Variants in EXT2 observed in about 807,000 individuals in gnomAD.
The protein encoded by EXT2 is exostosin glycosyltransferase 2, also known as exostosin-2.
In EXT2, 53 loss-of-function variants were observed where a neutral mutation model predicts 81.6. That is an observed-to-expected ratio of 0.65 (90% CI 0.52 to 0.82). EXT2 has a LOEUF of 0.82. Among genes scored for constraint, EXT2 ranks in the 40% least tolerant of loss-of-function variants. The pLI is 0.00. For missense variants in EXT2, 774 were observed against 910.2 expected, an observed-to-expected ratio of 0.85 and a Z score of 1.93; for synonymous variants, 320 against 340.0, an observed-to-expected ratio of 0.94 and a Z score of 0.65.
In EXT2 at chr11:44,239,689, CTT is replaced by C. The variant is rs397849292; in HGVS notation, c.2018+3339_2018+3340del. On this transcript the variant is annotated intron_variant, in intron 13 of 13. Coordinates refer to ENST00000533608, the MANE Select transcript of EXT2 (RefSeq NM_207122.2). ...TACAGGCATGAACCACCCTGCCTGGCTTTTTTTTTTTTTTTTTTTTTTTTTTG... is the reference window on the plus strand; with the variant it reads ...TACAGGCATGAACCACCCTGCCTGGCTTTTTTTTTTTTTTTTTTTTTTTTG... 8.8e-3 allele frequency among the ~76,000 whole-genome samples: 751 copies of C among 85,126 alleles called. 4 individuals are homozygous for C. Among genetic ancestry groups the C allele is most frequent in the East Asian group, 0.017 (34 of 1,956 alleles). 55.8% of individuals were successfully genotyped at this position (85,126 alleles called of 152,430 possible).
rs142683612 is a variant in EXT2 at position 44,114,450 on chromosome 11, T to C, written c.743+149T>C. Reference sequence around the variant, plus strand: ...GAGGCACCCATCTTTCCCACCTCCATGCAGTCTCATTCATCTTGCAGTTTT... The same window carrying C: ...GAGGCACCCATCTTTCCCACCTCCACGCAGTCTCATTCATCTTGCAGTTTT... On this transcript the variant is annotated intron_variant, in intron 4 of 13. Coordinates refer to ENST00000533608, the MANE Select transcript of EXT2 (RefSeq NM_207122.2). 5.2e-4 allele frequency: 402 copies of C among 769,838 alleles called. 1 individual carries two copies. In the African/African-American group the frequency reaches 6.3e-3, roughly 12 times the overall value. The allele number at this position is 769,838 out of a possible 1,614,324, so 47.7% of individuals were successfully genotyped here.
At chr11:44,114,424 T>G in intron 4 of EXT2, 123 bp downstream of exon 4, 1 of 847,566 alleles carries the variant, frequency 1.2e-6, no homozygotes, top group Non-Finnish European at 2.0e-6. Flanking sequence ...CTTGAGGCAC[T>G]GAGGCACCCA....
chr11:44,232,216 T>A, intron 10 of EXT2, 137 bp from the exon 11 acceptor site: 1 of 1,109,386 alleles, frequency 9.0e-7, no homozygotes, highest in South Asian at 1.4e-5. Flanking sequence ...ATGGAACATC[T>A]CCAGAATCCC....
chr11:44,149,022 A>G (rs1368497674), intron 7 of EXT2, among the ~76,000 whole-genome samples: 1 of 152,012 alleles, frequency 6.6e-6, no homozygotes, highest in Admixed American at 6.6e-5. Flanking sequence ...TCTAATTGCA[A>G]GTTTACTTGT....
At chr11:44,191,107 G>A (rs922154415) in intron 8 of EXT2, among the ~76,000 whole-genome samples, 2 of 152,166 alleles carry the variant, frequency 1.3e-5, no homozygotes, top group African/African-American at 2.4e-5. Context: ...CTTACACCAG[G>A]GCTTTGCAGA....
At chr11:44,160,595 C>CAGA (rs1195039687) in intron 7 of EXT2, among the ~76,000 whole-genome samples, 1 of 152,098 alleles carries the variant, frequency 6.6e-6, no homozygotes, top group Non-Finnish European at 1.5e-5. Context: ...CCTAGACTAG[C>CAGA]AGAAGCATGG....
chr11:44,125,030 T>G, intron 5 of EXT2, 46 bp downstream of exon 5: 3 of 1,585,300 alleles, frequency 1.9e-6, no homozygotes, highest in Non-Finnish European at 2.6e-6. Flanking sequence ...GAGAGTTTGC[T>G]TACATGGGTT....
At chr11:44,229,192 A>C (rs1050933266) in intron 10 of EXT2, among the ~76,000 whole-genome samples, 1 of 152,332 alleles carries the variant, frequency 6.6e-6, no homozygotes, top group South Asian at 2.1e-4. Context: ...AGCACATTTC[A>C]TGGCATCTGC....
In EXT2 at chr11:44,251,423, T is replaced by G. The variant is rs772280931; in HGVS notation, c.*7136T>G. Among the ~76,000 whole-genome samples the G allele has an allele frequency of 1.3e-5, 2 of 152,206 alleles. No individual in the cohort carries two copies. The highest frequency in any genetic ancestry group is 2.9e-5 in the Non-Finnish European group (2 of 68,030). The stretch of plus-strand genomic sequence containing the variant: ...GGAAGTCTGGGGGTTAGGAAATACC[T>G]GGAGGGAGAACTTCCTAAGAAATGA... On this transcript the variant is annotated 3_prime_UTR_variant, in exon 14 of 14. Transcript: ENST00000533608.
chr11:44,141,174 T>G (rs1476848507), intron 7 of EXT2, among the ~76,000 whole-genome samples: 1 of 152,206 alleles, frequency 6.6e-6, no homozygotes, highest in East Asian at 1.9e-4. Context: ...ATATCCTCCC[T>G]TATACTTTAA....
chr11:44,207,521 A>G (rs1771593444), intron 10 of EXT2, among the ~76,000 whole-genome samples: 1 of 152,216 alleles, frequency 6.6e-6, no homozygotes, highest in African/African-American at 2.4e-5. Context: ...GGAAAGTGCC[A>G]GAGTCCAGGC....
At chr11:44,182,457 T>C (rs1422456618) in intron 8 of EXT2, among the ~76,000 whole-genome samples, 1 of 152,194 alleles carries the variant, frequency 6.6e-6, no homozygotes, top group Admixed American at 6.5e-5. Flanking sequence ...TCCACCTATC[T>C]ATATTTTGTT....
intron 8 of EXT2, among the ~76,000 whole-genome samples, chr11:44,180,961 C>T (rs1398157818): frequency 6.6e-6 from 1 of 152,038 alleles, no homozygotes; most frequent in African/African-American, 2.4e-5. Context: ...ATTAGCTGGG[C>T]ATGATGGTGT....
At chr11:44,162,869 T>C (rs994128046) in intron 7 of EXT2, among the ~76,000 whole-genome samples, 2 of 151,958 alleles carry the variant, frequency 1.3e-5, no homozygotes. Context: ...AATAAGGAAG[T>C]GAAAAAAAGC....
chr11:44,207,609 C>T (rs996184245), intron 10 of EXT2, among the ~76,000 whole-genome samples: 12 of 152,126 alleles, frequency 7.9e-5, no homozygotes, highest in Admixed American at 2.0e-4. Flanking sequence ...CGGAGGCCTG[C>T]GGCTGCGGGT....
At chr11:44,170,101 T>G (rs1325607345) in intron 7 of EXT2, among the ~76,000 whole-genome samples, 1 of 152,204 alleles carries the variant, frequency 6.6e-6, no homozygotes, top group Non-Finnish European at 1.5e-5. Context: ...AACAATGTGC[T>G]GGACCATAAA....
intron 13 of EXT2, among the ~76,000 whole-genome samples, chr11:44,237,668 G>A (rs146411730): frequency 1.3e-3 from 196 of 152,204 alleles, no homozygotes; most frequent in African/African-American, 4.5e-3. Context: ...AGGAAAGGAA[G>A]TATAGGAAGA....
At position 44,245,772 on chromosome 11, in the gene EXT2, C is replaced by G. The variant is rs1956088468; in HGVS notation, c.*1485C>G. Among the ~76,000 whole-genome samples, 1 of 152,182 alleles carries G rather than the reference C, an allele frequency of 6.6e-6. No individual in the cohort carries two copies. Among genetic ancestry groups the G allele is most frequent in the African/African-American group, 2.4e-5 (1 of 41,438 alleles). ...GACTTTGAGAGGTCAAAGAAAGTTT[C>G]AGAAGTAGCAAAGTTGGAAGTGGAA... is the stretch of plus-strand genomic sequence containing the variant. On this transcript the variant is annotated 3_prime_UTR_variant, in exon 14 of 14. Coordinates refer to ENST00000533608, the MANE Select transcript of EXT2 (RefSeq NM_207122.2).
At chr11:44,201,476 A>G (rs1274661666) in intron 9 of EXT2, among the ~76,000 whole-genome samples, 1 of 152,204 alleles carries the variant, frequency 6.6e-6, no homozygotes, top group Non-Finnish European at 1.5e-5. Context: ...TTCCCATTTT[A>G]CAAAAATAAG....
Sources: gnomAD v4.1 joint callset for allele counts (sites outside exome capture counted in the v4.1 genomes callset) on GRCh38, gnomAD v4.1.1 for gene constraint, MANE v1.5 for transcripts, NCBI Gene and HGNC (gene_info 2026-07-23, HGNC 2026-07-21) for gene names.